The following CDH8 variants were observed in gnomAD, a reference collection of about 807,000 sequenced individuals.
The protein encoded by CDH8 is cadherin-8.
A neutral mutation model predicts 68.1 loss-of-function variants in CDH8; 17 were observed. The observed-to-expected ratio is 0.25, with a 90% confidence interval of 0.17 to 0.37. The LOEUF (loss-of-function observed/expected upper bound fraction) is 0.37, where lower values mean the gene tolerates loss of function less well. CDH8 is among the 10% of genes least tolerant of loss of function. The pLI is 1.00. For missense variants in CDH8, 763 were observed against 999.3 expected (o/e 0.76, Z 3.19); for synonymous variants, 372 against 365.1 (o/e 1.02, Z -0.21).
Position 62,012,735 on chromosome 16 carries a change from T to C in CDH8, c.252+8417A>G, listed in dbSNP as rs1359018994. ...AGATTGAATATATTGATATATTTCC[T>C]TACAGGTTCTCCTGTATTGCTTTGC... On this transcript the variant is annotated intron_variant, in intron 2 of 11. Transcript: ENST00000577390. Among the ~76,000 whole-genome samples, 3 of 152,352 alleles carry C rather than the reference T, an allele frequency of 2.0e-5. No homozygotes were observed. The East Asian group carries it at 5.8e-4, about 29-fold the overall frequency.
chr16:61,974,829 G>A (rs1316001058), intron 2 of CDH8, among the ~76,000 whole-genome samples: 9 of 152,112 alleles, frequency 5.9e-5, no homozygotes, highest in Admixed American at 2.0e-4. Flanking sequence ...TGGGCAGATG[G>A]CAAAGTGCAC....
intron 4 of CDH8, among the ~76,000 whole-genome samples, chr16:61,832,342 AG>A (rs1358475874): frequency 1.4e-5 from 2 of 139,956 alleles, no homozygotes; most frequent in Admixed American, 7.1e-5. Flanking sequence ...ATAGATAGAT[AG>A]ATAGATAGAT....
chr16:61,652,584 C>T lies in CDH8; in HGVS notation c.*1024G>A. 1 of 1,051,486 alleles carries T rather than the reference C, an allele frequency of 9.5e-7. No individual in the cohort carries two copies. 65.1% of individuals were successfully genotyped at this position (1,051,486 alleles called of 1,614,324 possible). ...TTAGCTCTCCTTTCGATAATATTGC[C>T]TGCCATACTCATCTCATCAAAATGT... On this transcript the variant is annotated 3_prime_UTR_variant, in exon 12 of 12. Transcript: ENST00000577390.
chr16:61,881,770 G>A (rs1476910350), intron 3 of CDH8, among the ~76,000 whole-genome samples: 1 of 152,110 alleles, frequency 6.6e-6, no homozygotes, highest in Non-Finnish European at 1.5e-5. Flanking sequence ...ATTCCTTCTC[G>A]TGGTTACCTA....
intron 10 of CDH8, among the ~76,000 whole-genome samples, chr16:61,665,937 C>T (rs1030616609): frequency 2.7e-5 from 4 of 150,616 alleles, no homozygotes; most frequent in Non-Finnish European, 3.0e-5. Context: ...CCATGGTTTC[C>T]GTTACTCACA....
chr16:61,782,276 G>A (rs1832230999), intron 8 of CDH8, among the ~76,000 whole-genome samples: 1 of 152,208 alleles, frequency 6.6e-6, no homozygotes. Flanking sequence ...GCCTCACCTG[G>A]GAAGCACAAG....
In CDH8 at chr16:61,652,795, T is replaced by C; in HGVS notation, c.*813A>G. 1 of 1,328,874 alleles carries C rather than the reference T, an allele frequency of 7.5e-7. No individual in the cohort carries two copies. 82.3% of individuals were successfully genotyped at this position (1,328,874 alleles called of 1,614,324 possible). On this transcript the variant is annotated 3_prime_UTR_variant, in exon 12 of 12. Transcript: ENST00000577390. ...GGATTAAACAAATAAATTCACGCGC[T>C]AGCAATAAAACCATCTGTCTCTTAT...
At chr16:61,704,194 G>C (rs2142854244) in intron 10 of CDH8, among the ~76,000 whole-genome samples, 1 of 152,212 alleles carries the variant, frequency 6.6e-6, no homozygotes, top group Middle Eastern at 3.4e-3. Context: ...GTCTGTAAAA[G>C]TTTACTAAAG....
chr16:61,816,289 C>T lies in CDH8; in HGVS notation c.1277+1190G>A, dbSNP rs1177151613. The stretch of plus-strand genomic sequence containing the variant: ...GTACAAATTCAACTTATTTGGGGTG[C>T]TGATTGTCCTGCAAGGTTTTAATCT... On this transcript the variant is annotated intron_variant, in intron 7 of 11. Coordinates refer to ENST00000577390, the MANE Select transcript of CDH8 (RefSeq NM_001796.5). 2.0e-5 allele frequency among the ~76,000 whole-genome samples: 3 copies of T among 152,104 alleles called. No individual in the cohort carries two copies. The East Asian group carries it at 5.8e-4, about 29-fold the overall frequency.
At chr16:61,931,154 C>CATTTG (rs1555522205) in intron 2 of CDH8, among the ~76,000 whole-genome samples, 1 of 151,684 alleles carries the variant, frequency 6.6e-6, no homozygotes. Flanking sequence ...TCATGAGGAC[C>CATTTG]TTTTGTTTTG....
chr16:61,832,349 T>C (rs1420037478), intron 4 of CDH8, among the ~76,000 whole-genome samples: 1 of 147,598 alleles, frequency 6.8e-6, no homozygotes, highest in Non-Finnish European at 1.5e-5. Context: ...GATAGATAGA[T>C]AGATAGATAG....
At chr16:61,803,580 T>C (rs554624823) in intron 7 of CDH8, among the ~76,000 whole-genome samples, 1 of 152,028 alleles carries the variant, frequency 6.6e-6, no homozygotes, top group African/African-American at 2.4e-5. Context: ...CCATCTCACG[T>C]GCAGAGACAC....
At chr16:61,927,793 G>T (rs373173078) in intron 2 of CDH8, among the ~76,000 whole-genome samples, 5 of 152,190 alleles carry the variant, frequency 3.3e-5, no homozygotes, top group Admixed American at 3.3e-4. Context: ...CATGGCTACC[G>T]CATGATACTG....
chr16:61,820,127 T>C (rs541243473), intron 6 of CDH8, among the ~76,000 whole-genome samples: 11 of 152,038 alleles, frequency 7.2e-5, no homozygotes, highest in Admixed American at 3.3e-4. Flanking sequence ...TTTGTACTTG[T>C]TATGGAGATC....
chr16:61,801,823 G>T (rs958829305), intron 7 of CDH8, among the ~76,000 whole-genome samples: 1 of 152,176 alleles, frequency 6.6e-6, no homozygotes, highest in Non-Finnish European at 1.5e-5. Context: ...CTACGCCCAC[G>T]GAGTCTCGCT....
At chr16:61,712,991 T>C (rs1336041254) in intron 10 of CDH8, among the ~76,000 whole-genome samples, 1 of 151,566 alleles carries the variant, frequency 6.6e-6, no homozygotes. Context: ...ATACAGACCA[T>C]TGAGAGACCT....
At chr16:61,878,717 T>A (rs1350458499) in intron 3 of CDH8, among the ~76,000 whole-genome samples, 2 of 152,200 alleles carry the variant, frequency 1.3e-5, no homozygotes, top group Admixed American at 1.3e-4. Flanking sequence ...GGACTAACAT[T>A]TATTGAATAT....
intron 2 of CDH8, among the ~76,000 whole-genome samples, chr16:61,903,896 G>A (rs1235159440): frequency 4.0e-5 from 6 of 151,690 alleles, no homozygotes; most frequent in Admixed American, 3.9e-4. Context: ...TCCAATGTAA[G>A]TGAAAGTAAA....
chr16:61,658,415 A>C, intron 10 of CDH8, among the ~76,000 whole-genome samples: 1 of 151,872 alleles, frequency 6.6e-6, no homozygotes, highest in East Asian at 1.9e-4. Flanking sequence ...TAATTATATA[A>C]AATTATTTTT....
Sources: gnomAD v4.1 joint callset for allele counts (sites outside exome capture counted in the v4.1 genomes callset) on GRCh38, gnomAD v4.1.1 for gene constraint, MANE v1.5 for transcripts, NCBI Gene and HGNC (gene_info 2026-07-23, HGNC 2026-07-21) for gene names.